The following AHNAK variants were observed in gnomAD, a reference collection of about 807,000 sequenced individuals.
AHNAK encodes the protein AHNAK nucleoprotein.
In AHNAK, 23 loss-of-function variants were observed where a neutral mutation model predicts 37.8. That is an observed-to-expected ratio of 0.61 (90% CI 0.44 to 0.86). The LOEUF (loss-of-function observed/expected upper bound fraction) is 0.86, where lower values mean the gene tolerates loss of function less well. Among genes scored for constraint, AHNAK ranks in the 40% least tolerant of loss-of-function variants. The probability of loss-of-function intolerance (pLI) is 0.00; values close to 1 mark genes in which losing one functional copy is unlikely to be tolerated. For missense variants in AHNAK, 7,411 were observed against 7,319.4 expected, an observed-to-expected ratio of 1.01 and a Z score of -0.46; for synonymous variants, 2,481 against 2,636.3, an observed-to-expected ratio of 0.94 and a Z score of 1.80.
chr11:62,508,132 C>T (rs569787335), intron 4 of AHNAK, among the ~76,000 whole-genome samples: 19 of 152,170 alleles, frequency 1.2e-4, no homozygotes, highest in Admixed American at 9.8e-4. Flanking sequence ...TAACTACTTT[C>T]GACAATGTTA....
intron 5 of AHNAK, among the ~76,000 whole-genome samples, chr11:62,481,767 C>T (rs945274788): frequency 6.6e-6 from 1 of 151,464 alleles, no homozygotes; most frequent in African/African-American, 2.4e-5. Flanking sequence ...TTAGTAGAGA[C>T]GGGGTTTCAC....
chr11:62,524,669 CT>C lies in AHNAK; in HGVS notation c.9747del (p.Gly3250AspfsTer6). 1 of 1,614,210 alleles carries C rather than the reference CT, an allele frequency of 6.2e-7. No homozygotes were observed. Among genetic ancestry groups the C allele is most frequent in the Non-Finnish European group, 8.5e-7 (1 of 1,180,040 alleles). On this transcript the variant is annotated frameshift_variant, in exon 5 of 5. Coordinates refer to ENST00000378024, the MANE Select transcript of AHNAK (RefSeq NM_001620.3). LOFTEE classifies it low-confidence loss of function (END_TRUNC). ...VSLANVEGDL[K>X]GPALDIKGPK... Reference sequence around the variant, plus strand: ...GGGCCTTTTATGTCAAGAGCAGGTCCTTTCAAATCACCTTCTACATTTGCAA... The same window carrying C: ...GGGCCTTTTATGTCAAGAGCAGGTCCTTCAAATCACCTTCTACATTTGCAA...
intron 5 of AHNAK, among the ~76,000 whole-genome samples, chr11:62,447,134 G>A (rs1007328062): frequency 2.6e-4 from 40 of 152,016 alleles, no homozygotes; most frequent in Non-Finnish European, 4.4e-5. Flanking sequence ...CATCCCACTC[G>A]ACCTCCCTGC....
At chr11:62,510,557 A>G (rs952198871) in intron 4 of AHNAK, among the ~76,000 whole-genome samples, 4 of 151,846 alleles carry the variant, frequency 2.6e-5, no homozygotes, top group African/African-American at 9.7e-5. Flanking sequence ...CAGCCTGGCT[A>G]ACATGGTGAA....
At position 62,520,447 on chromosome 11, in the gene AHNAK, A is replaced by G; in HGVS notation, c.13970T>C (p.Met4657Thr). ...GAAGCCAGGCATGCTGAACTTGGGC[A>G]TTTTCACTTTGGGCATTTTTAGGTG... ...DWHLKMPKVKMPKFSMPGFKG... is the reference protein window; with the variant it reads ...DWHLKMPKVKTPKFSMPGFKG... The change falls in exon 5 of 5, where the codon ATG becomes ACG. Residue 4657 changes from methionine (M) to threonine (T), a missense_variant. Met to Thr is a moderately conservative substitution (Grantham distance 81). Coordinates refer to ENST00000378024, the MANE Select transcript of AHNAK (RefSeq NM_001620.3). 1 of 1,613,860 alleles carries G rather than the reference A, an allele frequency of 6.2e-7. No homozygotes were observed. Among genetic ancestry groups the G allele is most frequent in the Non-Finnish European group, 8.5e-7 (1 of 1,179,988 alleles).
chr11:62,517,036 G>A lies in AHNAK; in HGVS notation c.17381C>T (p.Thr5794Ile), dbSNP rs1189375866. The A allele has an allele frequency of 3.7e-6, 6 of 1,614,184 alleles. No individual in the cohort carries two copies. Among genetic ancestry groups the A allele is most frequent in the Non-Finnish European group, 4.2e-6 (5 of 1,180,032 alleles). The part of the protein sequence containing the change: ...SDEREFSGPS[T>I]PTGTLEFEGG... Reference sequence around the variant, plus strand: ...TTCAAACTCCAGCGTCCCCGTCGGGGTGGAAGGTCCAGAGAACTCTCTTTC... The same window carrying A: ...TTCAAACTCCAGCGTCCCCGTCGGGATGGAAGGTCCAGAGAACTCTCTTTC... Residue 5794 changes from threonine to isoleucine, a missense_variant, in exon 5 of 5, where the codon ACC becomes ATC. By Grantham distance (89) the Thr-to-Ile change is moderately conservative. Transcript: ENST00000378024.
At position 62,519,650 on chromosome 11, in the gene AHNAK, A is replaced by T. The variant is rs774141220; in HGVS notation, c.14767T>A (p.Leu4923Met). The change falls in exon 5 of 5, where the codon TTG (leucine) becomes ATG (methionine). Residue 4923 changes from leucine to methionine, a missense_variant. Physicochemically the swap from Leu to Met is conservative, Grantham distance 15 (BLOSUM62 2). Coordinates refer to ENST00000378024, the MANE Select transcript of AHNAK (RefSeq NM_001620.3). ...CCAATTTTTGGTGCCTTGAGATGCA[A>T]ATCAACATCAGGAGCAGTTACTTTA... ...APKVTAPDVD[L>M]HLKAPKIGFS... 6 of 1,613,884 alleles carry T rather than the reference A, an allele frequency of 3.7e-6. No homozygotes were observed. Among genetic ancestry groups the T allele is most frequent in the Non-Finnish European group, 5.1e-6 (6 of 1,179,994 alleles).
At position 62,520,142 on chromosome 11, in the gene AHNAK, C is replaced by T. The variant is rs768738785; in HGVS notation, c.14275G>A (p.Gly4759Ser). The T allele has an allele frequency of 5.0e-6, 8 of 1,612,804 alleles. No homozygotes were observed. In the Admixed American group the frequency reaches 5.0e-5, roughly 10 times the overall value. ...DLKGPEADIKGPKVDINTPDV... is the reference protein window; with the variant it reads ...DLKGPEADIKSPKVDINTPDV... ...GGGGTGTTGATGTCCACTTTTGGGCCCTTGATGTCAGCTTCTGGGCCCTTG... is the reference window on the plus strand; with the variant it reads ...GGGGTGTTGATGTCCACTTTTGGGCTCTTGATGTCAGCTTCTGGGCCCTTG... Residue 4759 changes from glycine to serine, a missense_variant, in exon 5 of 5, where the codon GGC becomes AGC. Gly to Ser is a moderately conservative substitution (Grantham distance 56). Coordinates refer to ENST00000378024, the MANE Select transcript of AHNAK (RefSeq NM_001620.3).
chr11:62,465,212 G>A (rs188389150), intron 5 of AHNAK, among the ~76,000 whole-genome samples: 26 of 152,288 alleles, frequency 1.7e-4, no homozygotes, highest in Admixed American at 4.6e-4. Flanking sequence ...GGCCCTTGCG[G>A]TGGATAGAGT....
chr11:62,489,758 GGA>G (rs1210506019), intron 5 of AHNAK, among the ~76,000 whole-genome samples: 3 of 151,988 alleles, frequency 2.0e-5, no homozygotes, highest in East Asian at 3.9e-4. Flanking sequence ...GAGGTTGCCC[GGA>G]GAGAGAGTCC....
At position 62,524,239 on chromosome 11, in the gene AHNAK, T is replaced by C; in HGVS notation, c.10178A>G (p.Glu3393Gly). The C allele has an allele frequency of 6.2e-7, 1 of 1,612,896 alleles. No homozygotes were observed. The highest frequency in any genetic ancestry group is 8.5e-7 in the Non-Finnish European group (1 of 1,179,674). ...GGATCCTTTCACTTTTCCTTGGACCTCGACATCAGGAGCATTAATATCAAC... is the reference window on the plus strand; with the variant it reads ...GGATCCTTTCACTTTTCCTTGGACCCCGACATCAGGAGCATTAATATCAAC... ...PKVDINAPDVEVQGKVKGSKF... is the reference protein window; with the variant it reads ...PKVDINAPDVGVQGKVKGSKF... Residue 3393 changes from glutamate to glycine, a missense_variant, in exon 5 of 5, where the codon GAG becomes GGG. Transcript: ENST00000378024.
intron 5 of AHNAK, among the ~76,000 whole-genome samples, chr11:62,479,154 T>C (rs996166449): frequency 2.4e-5 from 2 of 82,592 alleles, no homozygotes; most frequent in Admixed American, 2.0e-4. Context: ...TCTTTTCTTT[T>C]TTTTTCTTTT....
rs1349395379 is a variant in AHNAK, at chr11:62,531,407, G to A, written c.3010C>T (p.Pro1004Ser). The A allele has an allele frequency of 6.2e-7, 1 of 1,614,038 alleles. No individual in the cohort carries two copies. The highest frequency in any genetic ancestry group is 2.2e-5 in the East Asian group (1 of 44,900). ...TTGAGGCTGGGCATGCTAAATTTGG[G>A]CATTTTAATCTTTGGCATCTTCAAG... Reference protein sequence around the residue: ...WNLKMPKIKMPKFSMPSLKGE... With the variant: ...WNLKMPKIKMSKFSMPSLKGE... Residue 1004 changes from proline to serine, a missense_variant, in exon 5 of 5, where the codon CCC becomes TCC. Coordinates refer to ENST00000378024, the MANE Select transcript of AHNAK (RefSeq NM_001620.3).
intron 4 of AHNAK, among the ~76,000 whole-genome samples, chr11:62,508,009 T>C (rs890555548): frequency 1.3e-5 from 2 of 152,186 alleles, no homozygotes; most frequent in Non-Finnish European, 2.9e-5. Context: ...AATGGCACAA[T>C]CACAGCTCAC....
Position 62,525,390 on chromosome 11 carries a change from C to T in AHNAK, c.9027G>A (p.Pro3009=), listed in dbSNP as rs200863049. Residue 3009 remains proline, a synonymous_variant, in exon 5 of 5, where the codon CCG becomes CCA. Transcript: ENST00000378024. Reference sequence around the variant, plus strand: ...AGTCTGGGCCTTGAACGCCCACATCCGGGACATCAATGTCCACTTGGGGAC... The same window carrying T: ...AGTCTGGGCCTTGAACGCCCACATCTGGGACATCAATGTCCACTTGGGGAC... ...IRGPQVDIDV[P]DVGVQGPDWH... The T allele has an allele frequency of 4.0e-5, 64 of 1,610,326 alleles. No individual in the cohort carries two copies. The highest frequency in any genetic ancestry group is 1.7e-4 in the Middle Eastern group (1 of 6,038).
intron 3 of AHNAK, 71 bp from the exon 4 acceptor site, chr11:62,535,261 A>G: frequency 7.3e-7 from 1 of 1,378,654 alleles, no homozygotes; most frequent in Non-Finnish European, 1.0e-6. Flanking sequence ...GCCACCACAC[A>G]CTGGGCACTG....
chr11:62,529,169 TG>T lies in AHNAK; in HGVS notation c.5247del (p.Asp1749GlufsTer16). The T allele has an allele frequency of 6.2e-7, 1 of 1,614,154 alleles. No individual in the cohort carries two copies. Among genetic ancestry groups the T allele is most frequent in the Non-Finnish European group, 8.5e-7 (1 of 1,180,022 alleles). ...TCAATATCCAAATCAGGAGCATCAG[TG>T]TCCACACTGGGTCCAGACACATCAA... ...ADIDVSGPSV[D>X]TDAPDLDIEG... On this transcript the variant is annotated frameshift_variant, in exon 5 of 5. Coordinates refer to ENST00000378024, the MANE Select transcript of AHNAK (RefSeq NM_001620.3). LOFTEE classifies it low-confidence loss of function (END_TRUNC).
At chr11:62,452,092 G>A (rs1030662219) in intron 5 of AHNAK, among the ~76,000 whole-genome samples, 6 of 152,046 alleles carry the variant, frequency 3.9e-5, no homozygotes, top group Admixed American at 2.0e-4. Context: ...GATTACAGGC[G>A]TGAGCCACCG....
chr11:62,457,833 A>C (rs572414671), intron 5 of AHNAK, among the ~76,000 whole-genome samples: 1 of 151,888 alleles, frequency 6.6e-6, no homozygotes, highest in African/African-American at 2.4e-5. Flanking sequence ...TGGTGGTACT[A>C]TGCTCACCAC....
Sources: gnomAD v4.1 joint callset for allele counts (sites outside exome capture counted in the v4.1 genomes callset) on GRCh38, gnomAD v4.1.1 for gene constraint, MANE v1.5 for transcripts, NCBI Gene and HGNC (gene_info 2026-07-23, HGNC 2026-07-21) for gene names.